KALRN: variants seen among roughly 807,000 people sequenced by gnomAD.
KALRN encodes kalirin.
KALRN carries 70 observed loss-of-function variants against 353.7 expected under a neutral mutation model. The observed-to-expected ratio is 0.20, with a 90% confidence interval of 0.16 to 0.24. KALRN has a LOEUF of 0.24. Among genes scored for constraint, KALRN ranks in the 10% least tolerant of loss-of-function variants. The pLI is 1.00. For synonymous variants in KALRN, 1,391 were observed against 1,434.8 expected, an observed-to-expected ratio of 0.97 and a Z score of 0.69; for missense variants, 2,791 against 3,756.7, an observed-to-expected ratio of 0.74 and a Z score of 6.72.
chr3:124,671,203 G>T (rs2086391302), intron 47 of KALRN, among the ~76,000 whole-genome samples: 1 of 152,170 alleles, frequency 6.6e-6, no homozygotes, highest in Admixed American at 6.5e-5. Context: ...ATGACCTTCA[G>T]AATTCAGTCC....
At chr3:124,418,986 C>A (rs960600886) in intron 14 of KALRN, among the ~76,000 whole-genome samples, 7 of 151,546 alleles carry the variant, frequency 4.6e-5, no homozygotes. Flanking sequence ...GCAGGAGAAT[C>A]GCTTGAACCC....
intron 57 of KALRN, among the ~76,000 whole-genome samples, 179 bp downstream of exon 57, chr3:124,702,295 T>G (rs140867705): frequency 2.0e-5 from 3 of 152,342 alleles, no homozygotes; most frequent in Non-Finnish European, 4.4e-5. Context: ...CTTCTTAAGT[T>G]GGATGCTTCA....
chr3:124,510,161 A>G lies in KALRN; in HGVS notation c.4935+13748A>G, dbSNP rs919669970. The stretch of plus-strand genomic sequence containing the variant: ...GGCATTGTGGGCAAGAGAGAGATCT[A>G]GAAACTGGGACCAAATGTAATTAAG... On this transcript the variant is annotated intron_variant, in intron 33 of 59. Transcript: ENST00000682506. Among the ~76,000 whole-genome samples the G allele has an allele frequency of 1.3e-4, 20 of 152,226 alleles. 1 individual carries two copies. Among genetic ancestry groups the G allele is most frequent in the African/African-American group, 4.8e-4 (20 of 41,462 alleles).
chr3:124,048,184 C>A (rs140279693), intron 1 of KALRN, among the ~76,000 whole-genome samples: 46 of 152,230 alleles, frequency 3.0e-4, no homozygotes, highest in African/African-American at 1.1e-3. Context: ...TATAGGAAGA[C>A]AGAGGATCCA....
chr3:124,282,939 T>C (rs2149058093), intron 5 of KALRN, among the ~76,000 whole-genome samples: 1 of 152,190 alleles, frequency 6.6e-6, no homozygotes, highest in East Asian at 1.9e-4. Context: ...AGGGGCAAAA[T>C]GGGGTGCCTA....
intron 3 of KALRN, among the ~76,000 whole-genome samples, chr3:124,252,375 C>A (rs2071295498): frequency 6.6e-6 from 1 of 152,176 alleles, no homozygotes; most frequent in Non-Finnish European, 1.5e-5. Flanking sequence ...ACCCTCAGTT[C>A]TAACAGGAGG....
At chr3:124,265,319 G>T (rs2148893684) in intron 4 of KALRN, among the ~76,000 whole-genome samples, 1 of 26,430 alleles carries the variant, frequency 3.8e-5, no homozygotes, top group Non-Finnish European at 8.3e-5. Flanking sequence ...TTTTGAGATA[G>T]AGTCTCACTC....
At chr3:124,235,760 C>T (rs2079680543) in intron 3 of KALRN, among the ~76,000 whole-genome samples, 1 of 152,144 alleles carries the variant, frequency 6.6e-6, no homozygotes, top group Non-Finnish European at 1.5e-5. Flanking sequence ...CTTAGTGGGG[C>T]CAAAGCCTGT....
At chr3:124,441,713 C>T (rs983898434) in intron 18 of KALRN, among the ~76,000 whole-genome samples, 1 of 151,876 alleles carries the variant, frequency 6.6e-6, no homozygotes, top group Non-Finnish European at 1.5e-5. Flanking sequence ...GTAGTCCCAG[C>T]TACTCAGGAG....
At chr3:124,370,009 G>T (rs1230378694) in intron 10 of KALRN, among the ~76,000 whole-genome samples, 1 of 151,858 alleles carries the variant, frequency 6.6e-6, no homozygotes, top group African/African-American at 2.4e-5. Flanking sequence ...GTATTCCATT[G>T]TCTATATATG....
chr3:124,544,493 G>A lies in KALRN; in HGVS notation c.4936-18350G>A, dbSNP rs965577284. ...GGAGAATCACTTGTACCCGGGAGGC[G>A]GAGGTTGCAGTGAGAGGAAATTGCA... On this transcript the variant is annotated intron_variant, in intron 33 of 59. Transcript: ENST00000682506. 1.8e-4 allele frequency among the ~76,000 whole-genome samples: 27 copies of A among 152,258 alleles called. No individual in the cohort carries two copies. In the East Asian group the frequency reaches 2.9e-3, roughly 16 times the overall value.
intron 9 of KALRN, among the ~76,000 whole-genome samples, chr3:124,344,750 A>T (rs1360023039): frequency 6.6e-6 from 1 of 152,238 alleles, no homozygotes; most frequent in African/African-American, 2.4e-5. Context: ...CAGAGCAATC[A>T]AAGTTATGTT....
At chr3:124,165,678 G>A (rs1016451684) in intron 1 of KALRN, among the ~76,000 whole-genome samples, 8 of 152,196 alleles carry the variant, frequency 5.3e-5, no homozygotes, top group Non-Finnish European at 1.2e-4. Context: ...CATAGCTCCT[G>A]TACTTTGTAA....
intron 37 of KALRN, among the ~76,000 whole-genome samples, chr3:124,647,465 A>T (rs2082904876): frequency 6.6e-6 from 1 of 152,134 alleles, no homozygotes; most frequent in Non-Finnish European, 1.5e-5. Context: ...TCCTGCCTGG[A>T]ATGTCCTCCC....
At chr3:124,327,189 A>G (rs2080004859) in intron 7 of KALRN, among the ~76,000 whole-genome samples, 1 of 152,224 alleles carries the variant, frequency 6.6e-6, no homozygotes, top group Non-Finnish European at 1.5e-5. Context: ...AATGCAGACT[A>G]AACTTAAAAA....
At chr3:124,446,109 T>TTGGA (rs1371894304) in intron 19 of KALRN, 52 bp from the exon 20 acceptor site, 1 of 1,281,536 alleles carries the variant, frequency 7.8e-7, no homozygotes, top group Non-Finnish European at 1.1e-6. Flanking sequence ...AAGGGGTTGG[T>TTGGA]TGGATTTGCT....
intron 45 of KALRN, among the ~76,000 whole-genome samples, chr3:124,662,193 C>CTTT (rs10549005): frequency 8.3e-5 from 8 of 96,844 alleles, no homozygotes; most frequent in African/African-American, 2.2e-4. Flanking sequence ...ACCCAGAATT[C>CTTT]TTTTTTTTTT....
Position 124,455,229 on chromosome 3 carries a change from A to G in KALRN, c.3605A>G (p.Glu1202Gly). 1 of 1,614,100 alleles carries G rather than the reference A, an allele frequency of 6.2e-7. No homozygotes were observed. The highest frequency in any genetic ancestry group is 8.5e-7 in the Non-Finnish European group (1 of 1,179,944). The change falls in exon 22 of 60, where the codon GAA (glutamate) becomes GGA (glycine). Residue 1202 changes from glutamate to glycine, a missense_variant. By Grantham distance (98) the Glu-to-Gly change is moderately conservative. Transcript: ENST00000682506. ...ATTCAGCTGGCCGATAGCTTTGTGG[A>G]AAAAGGCCACATTCATGCCACGGAG... ...LLIQLADSFV[E>G]KGHIHATEIR... is the part of the protein sequence containing the mutation.
chr3:124,342,042 G>T (rs2081789402), intron 9 of KALRN, among the ~76,000 whole-genome samples: 1 of 152,096 alleles, frequency 6.6e-6, no homozygotes, highest in African/African-American at 2.4e-5. Context: ...GGTAGGGCCA[G>T]GTATAGGGGA....
Sources: allele counts gnomAD v4.1 joint callset (sites outside exome capture counted in the v4.1 genomes callset), GRCh38; gene constraint gnomAD v4.1.1; transcripts MANE v1.5; gene names NCBI Gene and HGNC (gene_info 2026-07-23, HGNC 2026-07-21).